The following SHTN1 variants were observed in gnomAD, a reference collection of about 807,000 sequenced individuals.
SHTN1 encodes shootin 1.
In SHTN1, 42 loss-of-function variants were observed where a neutral mutation model predicts 83.1. That is an observed-to-expected ratio of 0.51 (90% CI 0.39 to 0.65). The LOEUF is 0.65. SHTN1 is among the 30% of genes least tolerant of loss of function. The pLI, the probability that SHTN1 is intolerant of heterozygous loss-of-function variation, is 0.00. For synonymous variants in SHTN1, 224 were observed against 247.7 expected (o/e 0.90, Z 0.90); for missense variants, 622 against 737.8 (o/e 0.84, Z 1.82).
intron 2 of SHTN1, among the ~76,000 whole-genome samples, chr10:117,040,886 T>C (rs1852573377): frequency 6.6e-6 from 1 of 151,818 alleles, no homozygotes; most frequent in East Asian, 1.9e-4. Flanking sequence ...ATTAAAATAG[T>C]TTTGTAATTT....
At chr10:116,901,177 T>C (rs1847720604) in intron 16 of SHTN1, 1 of 985,436 alleles carries the variant, frequency 1.0e-6, no homozygotes, top group African/African-American at 1.7e-5. Context: ...CTGCCATTGT[T>C]ATAAAACAAA....
At chr10:116,989,473 G>A (rs1275741710) in intron 1 of SHTN1, among the ~76,000 whole-genome samples, 1 of 152,320 alleles carries the variant, frequency 6.6e-6, no homozygotes, top group East Asian at 1.9e-4. Context: ...ATGCAGGGGA[G>A]CTCTCTACCT....
chr10:117,086,611 T>C (rs1249656087), intron 1 of SHTN1, among the ~76,000 whole-genome samples: 1 of 152,202 alleles, frequency 6.6e-6, no homozygotes, highest in Non-Finnish European at 1.5e-5. Flanking sequence ...ATACTTGTTT[T>C]GGCAAAAATG....
chr10:116,921,396 C>A (rs764823287), intron 12 of SHTN1, 38 bp downstream of exon 12: 2 of 1,460,386 alleles, frequency 1.4e-6, no homozygotes, highest in Non-Finnish European at 1.9e-6. Context: ...CAAAATGGTA[C>A]ACCATCAACC....
intron 1 of SHTN1, among the ~76,000 whole-genome samples, chr10:117,113,441 G>T (rs1415121087): frequency 6.6e-6 from 1 of 152,192 alleles, no homozygotes. Flanking sequence ...AACTGCTGAA[G>T]CAGGCTGGAG....
rs1463178072 is a variant in SHTN1 at position 116,954,032 on chromosome 10, A to G, written c.436+10T>C. The G allele has an allele frequency of 5.0e-6, 8 of 1,599,432 alleles. No individual in the cohort carries two copies. In the South Asian group the frequency reaches 5.7e-5, roughly 11 times the overall value. On this transcript the variant is annotated intron_variant, in intron 5 of 16. Coordinates refer to ENST00000355371, the MANE Select transcript of SHTN1 (RefSeq NM_001127211.3). ...AAAAATATGCTCAATAATTAAGCAA[A>G]GAGTTCTACCTTTAATTTGCTTCTG...
chr10:117,033,817 A>C (rs1329093075), intron 2 of SHTN1, among the ~76,000 whole-genome samples: 1 of 152,200 alleles, frequency 6.6e-6, no homozygotes, highest in African/African-American at 2.4e-5. Flanking sequence ...TACATTAATA[A>C]GATCATTCAT....
chr10:116,977,686 G>GTGTA (rs1422175696), intron 2 of SHTN1, among the ~76,000 whole-genome samples: 1 of 151,626 alleles, frequency 6.6e-6, no homozygotes, highest in African/African-American at 2.4e-5. Context: ...GTGTGTGTGT[G>GTGTA]TGTTTTGAGA....
intron 1 of SHTN1, among the ~76,000 whole-genome samples, chr10:117,112,857 G>A (rs1808786184): frequency 1.3e-5 from 2 of 152,152 alleles, no homozygotes; most frequent in Admixed American, 1.3e-4. Context: ...TAATTACATA[G>A]TTACATATAT....
At chr10:117,092,845 G>A (rs1280963940) in intron 1 of SHTN1, among the ~76,000 whole-genome samples, 1 of 152,128 alleles carries the variant, frequency 6.6e-6, no homozygotes, top group East Asian at 1.9e-4. Flanking sequence ...AAAAGGGTAT[G>A]GGCTCATATG....
chr10:116,990,361 T>C (rs901373890), intron 1 of SHTN1, among the ~76,000 whole-genome samples: 1 of 151,142 alleles, frequency 6.6e-6, no homozygotes, highest in African/African-American at 2.4e-5. Context: ...CACCTTGTTG[T>C]ATGTTTTGAG....
intron 1 of SHTN1, among the ~76,000 whole-genome samples, chr10:117,101,462 G>A (rs1853591908): frequency 6.6e-6 from 1 of 152,342 alleles, no homozygotes; most frequent in East Asian, 1.9e-4. Flanking sequence ...CAGAGCCATT[G>A]TCCAGGAAGC....
chr10:116,954,569 G>C (rs897230001), intron 4 of SHTN1, among the ~76,000 whole-genome samples: 17 of 152,132 alleles, frequency 1.1e-4, no homozygotes, highest in African/African-American at 4.1e-4. Context: ...GTGGTGCTGA[G>C]AACACCTTTT....
chr10:117,050,879 T>A (rs1852729917), intron 1 of SHTN1, among the ~76,000 whole-genome samples: 1 of 151,932 alleles, frequency 6.6e-6, no homozygotes, highest in Admixed American at 6.6e-5. Flanking sequence ...ATAGTAAGAC[T>A]TCGTCTCTAC....
At chr10:117,006,244 TTTTTTTG>T (rs1178686123), upstream of SHTN1, among the ~76,000 whole-genome samples, 4 of 150,658 alleles carry the variant, frequency 2.7e-5, no homozygotes, top group South Asian at 2.1e-4. Flanking sequence ...TTTTTTGTTT[TTTTTTTG>T]TTTTTTTGTT....
chr10:116,979,925 C>T (rs1850954284), intron 1 of SHTN1, among the ~76,000 whole-genome samples: 1 of 152,206 alleles, frequency 6.6e-6, no homozygotes, highest in South Asian at 2.1e-4. Flanking sequence ...CTAAGAACAA[C>T]TATTTTCAGA....
intron 2 of SHTN1, among the ~76,000 whole-genome samples, chr10:117,012,632 G>GA (rs1182905607): frequency 2.0e-5 from 3 of 151,936 alleles, no homozygotes. Flanking sequence ...TGTAAAACCT[G>GA]AAACAGTAAA....
At chr10:117,043,050 T>G (rs1852609060) in intron 2 of SHTN1, among the ~76,000 whole-genome samples, 1 of 152,128 alleles carries the variant, frequency 6.6e-6, no homozygotes, top group African/African-American at 2.4e-5. Context: ...TCTATTCTTA[T>G]TTTTCTATAT....
At chr10:116,986,716 CTTT>C (rs869306412) in intron 1 of SHTN1, among the ~76,000 whole-genome samples, 5 of 75,856 alleles carry the variant, frequency 6.6e-5, no homozygotes, top group African/African-American at 2.7e-4. Context: ...ACCCAGTATC[CTTT>C]TTTTTTTTTT....
Sources: allele counts gnomAD v4.1 joint callset (sites outside exome capture counted in the v4.1 genomes callset), GRCh38; gene constraint gnomAD v4.1.1; transcripts MANE v1.5; gene names NCBI Gene and HGNC (gene_info 2026-07-23, HGNC 2026-07-21).